The following RHOBTB3 variants were observed in gnomAD, a reference collection of about 807,000 sequenced individuals.
RHOBTB3 encodes Rho related BTB domain containing 3.
A neutral mutation model predicts 67.2 loss-of-function variants in RHOBTB3; 47 were observed. That is an observed-to-expected ratio of 0.70 (90% CI 0.55 to 0.89). RHOBTB3 has a LOEUF of 0.89. Ranked by LOEUF, RHOBTB3 falls within the 40% of genes least tolerant of loss-of-function variation. RHOBTB3 has a pLI of 0.00. For missense variants in RHOBTB3, 631 were observed against 750.0 expected (o/e 0.84, Z 1.85); for synonymous variants, 273 against 274.2 (o/e 1.00, Z 0.04).
In RHOBTB3 at chr5:95,755,421, A is replaced by G; in HGVS notation, c.708A>G (p.Glu236=). 6.3e-7 allele frequency: 1 copy of G among 1,579,458 alleles called. No individual in the cohort carries two copies. Among genetic ancestry groups the G allele is most frequent in the Non-Finnish European group, 8.6e-7 (1 of 1,164,678 alleles). Reference sequence around the variant, plus strand: ...AAAAAATGCCTGTCTTAAAGGCTGAAGCGTCACATTATAACTCTGACTTAA... The same window carrying G: ...AAAAAATGCCTGTCTTAAAGGCTGAGGCGTCACATTATAACTCTGACTTAA... ...QPEKMPVLKA[E]ASHYNSDLNN... Residue 236 remains glutamate, a synonymous_variant, in exon 6 of 12, where the codon GAA becomes GAG. Coordinates refer to ENST00000379982, the MANE Select transcript of RHOBTB3 (RefSeq NM_014899.4).
intron 5 of RHOBTB3, 62 bp from the exon 6 acceptor site, chr5:95,755,334 G>T: frequency 8.5e-7 from 1 of 1,172,604 alleles, no homozygotes; most frequent in South Asian, 2.5e-5. Context: ...AAGTAAACAT[G>T]AAATTGTTGG....
intron 2 of RHOBTB3, chr5:95,732,305 G>A: frequency 1.6e-6 from 1 of 609,934 alleles, no homozygotes; most frequent in Admixed American, 2.9e-5. Flanking sequence ...CAGTGGGAAT[G>A]TGGAGCACTT....
At chr5:95,768,290 T>C (rs1200095549) in intron 8 of RHOBTB3, 124 bp downstream of exon 8, 5 of 801,000 alleles carry the variant, frequency 6.2e-6, no homozygotes, top group Non-Finnish European at 1.0e-5. Context: ...GGTATGTAGA[T>C]TAATACTACC....
chr5:95,747,875 G>A (rs1241724599), intron 3 of RHOBTB3, among the ~76,000 whole-genome samples: 1 of 152,180 alleles, frequency 6.6e-6, no homozygotes, highest in African/African-American at 2.4e-5. Context: ...TGAAGGTTCT[G>A]TTACAATAGA....
intron 10 of RHOBTB3, among the ~76,000 whole-genome samples, chr5:95,784,304 C>G (rs1746155473): frequency 6.6e-6 from 1 of 152,232 alleles, no homozygotes; most frequent in African/African-American, 2.4e-5. Context: ...CAAACAATCA[C>G]ATCTTCAGGT....
At chr5:95,726,881 G>A (rs562472446), upstream of RHOBTB3, among the ~76,000 whole-genome samples, 21 of 152,172 alleles carry the variant, frequency 1.4e-4, no homozygotes, top group Admixed American at 3.9e-4. Flanking sequence ...AACACTCCTT[G>A]TATCTGCCCA....
At position 95,732,028 on chromosome 5, in the gene RHOBTB3, T is replaced by C; in HGVS notation, c.172T>C (p.Tyr58His). 6.2e-7 allele frequency: 1 copy of C among 1,614,110 alleles called. No individual in the cohort carries two copies. Among genetic ancestry groups the C allele is most frequent in the Non-Finnish European group, 8.5e-7 (1 of 1,180,024 alleles). ...GGTCGCGCGTCCGGTGTTCACCGAG[T>C]ATCAGGCCAGTGCGTTTGGGAATGT... is the stretch of plus-strand genomic sequence containing the variant. ...STVARPVFTE[Y>H]QASAFGNVKL... Residue 58 changes from tyrosine to histidine, a missense_variant, in exon 2 of 12, where the codon TAT (tyrosine) becomes CAT (histidine). Coordinates refer to ENST00000379982, the MANE Select transcript of RHOBTB3 (RefSeq NM_014899.4).
chr5:95,791,713 CTT>C (rs1222874409), intron 11 of RHOBTB3, among the ~76,000 whole-genome samples: 10 of 144,900 alleles, frequency 6.9e-5, no homozygotes, highest in Non-Finnish European at 1.4e-4. Flanking sequence ...CTTTTCTTTT[CTT>C]TTTTTTTTTT....
Position 95,732,064 on chromosome 5 carries a change from G to C in RHOBTB3, c.208G>C (p.Val70Leu). ...ASAFGNVKLV[V>L]HDCPVWDIFD... ...TGCGTTTGGGAATGTCAAGCTGGTGGTCCACGACTGTCCCGTCTGGGTAAG... is the reference window on the plus strand; with the variant it reads ...TGCGTTTGGGAATGTCAAGCTGGTGCTCCACGACTGTCCCGTCTGGGTAAG... The change falls in exon 2 of 12, where the codon GTC (valine) becomes CTC (leucine). Residue 70 changes from valine to leucine, a missense_variant. Transcript: ENST00000379982. The C allele has an allele frequency of 6.2e-7, 1 of 1,614,190 alleles. No individual in the cohort carries two copies. Among genetic ancestry groups the C allele is most frequent in the Non-Finnish European group, 8.5e-7 (1 of 1,180,010 alleles).
upstream of RHOBTB3, among the ~76,000 whole-genome samples, chr5:95,727,730 G>A (rs1172704766): frequency 1.3e-5 from 2 of 152,164 alleles, no homozygotes; most frequent in Non-Finnish European, 1.5e-5. Context: ...CTTTAAAAAA[G>A]TGGTCATAAG....
At chr5:95,718,180 A>T (rs1754740469) in intron 1 of RHOBTB3, among the ~76,000 whole-genome samples, 1 of 152,220 alleles carries the variant, frequency 6.6e-6, no homozygotes, top group Non-Finnish European at 1.5e-5. Flanking sequence ...TTTTAAAAAA[A>T]GTTGCTTCTA....
At chr5:95,776,926 G>A (rs914740656) in intron 8 of RHOBTB3, among the ~76,000 whole-genome samples, 36 of 152,252 alleles carry the variant, frequency 2.4e-4, no homozygotes, top group Non-Finnish European at 1.5e-4. Flanking sequence ...CTGAACCCAC[G>A]TTCGCAGTCA....
intron 1 of RHOBTB3, among the ~76,000 whole-genome samples, chr5:95,721,259 G>C (rs1754863214): frequency 6.6e-6 from 1 of 152,182 alleles, no homozygotes; most frequent in Non-Finnish European, 1.5e-5. Flanking sequence ...GCTTGCCACT[G>C]AAATTAGTCC....
chr5:95,770,768 T>C, intron 8 of RHOBTB3: 1 of 270,576 alleles, frequency 3.7e-6, no homozygotes, highest in Non-Finnish European at 7.6e-6. Context: ...GCAGTATTTC[T>C]CACCAGTAAC....
intron 11 of RHOBTB3, among the ~76,000 whole-genome samples, chr5:95,789,896 A>G (rs978450377): frequency 2.0e-4 from 30 of 152,228 alleles, no homozygotes; most frequent in African/African-American, 7.2e-4. Flanking sequence ...ACCTCGGTGT[A>G]ATCCCAGCCA....
At chr5:95,722,307 T>C (rs1754908944) in intron 1 of RHOBTB3, among the ~76,000 whole-genome samples, 1 of 152,116 alleles carries the variant, frequency 6.6e-6, no homozygotes, top group Admixed American at 6.5e-5. Flanking sequence ...TTAGAGTTTG[T>C]TGGAAAGAAG....
intron 4 of RHOBTB3, among the ~76,000 whole-genome samples, chr5:95,750,205 G>T (rs1312225088): frequency 6.6e-6 from 1 of 152,202 alleles, no homozygotes; most frequent in Non-Finnish European, 1.5e-5. Context: ...AAGGGTCAGA[G>T]TTGAAGAGCT....
rs901671854 is a variant in RHOBTB3 at position 95,731,430 on chromosome 5, G to A, written c.-253G>A. 1.7e-6 allele frequency: 2 copies of A among 1,196,622 alleles called. No individual in the cohort carries two copies. Among genetic ancestry groups the A allele is most frequent in the African/African-American group, 1.6e-5 (1 of 62,494 alleles). 74.1% of individuals were successfully genotyped at this position (1,196,622 alleles called of 1,614,324 possible). On this transcript the variant is annotated 5_prime_UTR_variant, in exon 1 of 12. Coordinates refer to ENST00000379982, the MANE Select transcript of RHOBTB3 (RefSeq NM_014899.4). ...GGGGCTGTGCGGCGGTCCCGCGCCCGGCGATGTTCCCGGGCACTCCCTGAG... is the reference window on the plus strand; with the variant it reads ...GGGGCTGTGCGGCGGTCCCGCGCCCAGCGATGTTCCCGGGCACTCCCTGAG...
chr5:95,772,443 T>C (rs1363718025), intron 8 of RHOBTB3, among the ~76,000 whole-genome samples: 2 of 152,178 alleles, frequency 1.3e-5, no homozygotes, highest in African/African-American at 4.8e-5. Context: ...CTCGATTAGG[T>C]ATTTACTTCC....
Sources: gnomAD v4.1 joint callset for allele counts (sites outside exome capture counted in the v4.1 genomes callset) on GRCh38, gnomAD v4.1.1 for gene constraint, MANE v1.5 for transcripts, NCBI Gene and HGNC (gene_info 2026-07-23, HGNC 2026-07-21) for gene names.